AKAP19: variants seen among roughly 807,000 people sequenced by gnomAD.
AKAP19 encodes the protein A-kinase anchoring protein 19, also known as small A-kinase anchoring protein.
chr2:190,183,938 T>TTGG, the AKAP19 span, among the ~76,000 whole-genome samples: 3 of 152,064 alleles, frequency 2.0e-5, no homozygotes, highest in Non-Finnish European at 2.9e-5. Flanking sequence ...TAGAATACGC[T>TTGG]ATCTATCCTT....
At chr2:190,068,826 C>G in the AKAP19 span, among the ~76,000 whole-genome samples, 1 of 152,084 alleles carries the variant, frequency 6.6e-6, no homozygotes, top group African/African-American at 2.4e-5. Context: ...CTGAAACTGG[C>G]AGGAGAGATT....
chr2:189,947,879 G>A, the AKAP19 span, among the ~76,000 whole-genome samples: 5 of 152,002 alleles, frequency 3.3e-5, no homozygotes, highest in African/African-American at 1.2e-4. Flanking sequence ...CTTTGTTGAT[G>A]GCAGACCAAT....
the AKAP19 span, among the ~76,000 whole-genome samples, chr2:189,940,386 C>T: frequency 1.3e-5 from 2 of 151,246 alleles, no homozygotes; most frequent in South Asian, 4.2e-4. Flanking sequence ...GCGGAGCTTG[C>T]AGTGAGCTGA....
At chr2:190,026,050 T>A in the AKAP19 span, among the ~76,000 whole-genome samples, 4 of 152,180 alleles carry the variant, frequency 2.6e-5, no homozygotes, top group Admixed American at 6.5e-5. Context: ...CTGCTCATTT[T>A]AAAAAAATAC....
At chr2:189,916,908 T>G in the AKAP19 span, among the ~76,000 whole-genome samples, 2 of 152,318 alleles carry the variant, frequency 1.3e-5, no homozygotes, top group East Asian at 3.9e-4. Context: ...TCTGGTTTCA[T>G]TCACCGTATA....
the AKAP19 span, among the ~76,000 whole-genome samples, chr2:189,961,875 G>A: frequency 2.7e-5 from 4 of 150,910 alleles, no homozygotes; most frequent in Non-Finnish European, 5.9e-5. Context: ...TCACACCACT[G>A]CACTCTAGCC....
At chr2:189,923,316 A>G in the AKAP19 span, 1 of 1,603,826 alleles carries the variant, frequency 6.2e-7, no homozygotes, top group South Asian at 1.1e-5. Context: ...GCTTTGTGAG[A>G]AACCTTACCA....
the AKAP19 span, among the ~76,000 whole-genome samples, chr2:190,156,665 G>C: frequency 6.6e-6 from 1 of 152,106 alleles, no homozygotes; most frequent in Non-Finnish European, 1.5e-5. Flanking sequence ...GAAATCATGC[G>C]CAGCCTTGCT....
chr2:190,072,090 G>A, the AKAP19 span, among the ~76,000 whole-genome samples: 182 of 152,232 alleles, frequency 1.2e-3, 1 homozygote, highest in African/African-American at 3.1e-3. Flanking sequence ...AAAAAAGAAC[G>A]AAATCATGTT....
chr2:189,973,155 C>A, the AKAP19 span, among the ~76,000 whole-genome samples: 11 of 152,196 alleles, frequency 7.2e-5, no homozygotes, highest in East Asian at 2.1e-3. Context: ...GAGATACATC[C>A]CATCAATACC....
the AKAP19 span, among the ~76,000 whole-genome samples, chr2:189,974,190 C>T: frequency 6.6e-6 from 1 of 152,134 alleles, no homozygotes; most frequent in Non-Finnish European, 1.5e-5. Flanking sequence ...TCTTTGTTCT[C>T]GTTGGTTTCA....
At chr2:190,129,794 C>T in the AKAP19 span, among the ~76,000 whole-genome samples, 1 of 152,026 alleles carries the variant, frequency 6.6e-6, no homozygotes, top group Non-Finnish European at 1.5e-5. Context: ...AATAATCTCA[C>T]AAAGATAGAC....
chr2:190,001,788 C>T, the AKAP19 span, among the ~76,000 whole-genome samples: 1 of 152,164 alleles, frequency 6.6e-6, no homozygotes, highest in Non-Finnish European at 1.5e-5. Context: ...CTCCTATGTG[C>T]ACATATGAGT....
At chr2:189,901,648 A>C in the AKAP19 span, among the ~76,000 whole-genome samples, 34 of 152,266 alleles carry the variant, frequency 2.2e-4, no homozygotes, top group African/African-American at 8.2e-4. Flanking sequence ...GCATTTTGAT[A>C]AAAATCTTTA....
chr2:190,068,609 A>T, the AKAP19 span, among the ~76,000 whole-genome samples: 1 of 152,210 alleles, frequency 6.6e-6, no homozygotes, highest in African/African-American at 2.4e-5. Flanking sequence ...TGCTGGGATT[A>T]CAGACGTGAG....
At chr2:189,992,759 A>G in the AKAP19 span, among the ~76,000 whole-genome samples, 1 of 152,008 alleles carries the variant, frequency 6.6e-6, no homozygotes, top group Non-Finnish European at 1.5e-5. Context: ...TATATTCCTA[A>G]GTATTTTTTT....
At chr2:189,918,020 T>A in the AKAP19 span, among the ~76,000 whole-genome samples, 1 of 152,090 alleles carries the variant, frequency 6.6e-6, no homozygotes, top group Non-Finnish European at 1.5e-5. Context: ...ACATAACTTA[T>A]CATTGTCCAC....
the AKAP19 span, chr2:189,923,205 G>A: frequency 7.3e-5 from 59 of 811,754 alleles, no homozygotes; most frequent in Non-Finnish European, 6.6e-5. Flanking sequence ...GAGCGGTTGC[G>A]GCCGCGTTGC....
chr2:190,102,029 A>T, the AKAP19 span, among the ~76,000 whole-genome samples: 1 of 152,236 alleles, frequency 6.6e-6, no homozygotes, highest in Non-Finnish European at 1.5e-5. Context: ...ATAAAAACAG[A>T]AATCAATACA....
Sources: allele counts gnomAD v4.1 joint callset (sites outside exome capture counted in the v4.1 genomes callset), GRCh38; gene constraint gnomAD v4.1.1; transcripts MANE v1.5; gene names NCBI Gene and HGNC (gene_info 2026-07-23, HGNC 2026-07-21).